Variants in IMPG1 observed in about 807,000 individuals in gnomAD.
IMPG1 encodes interphotoreceptor matrix proteoglycan of 150 kDa.
In IMPG1, 85 loss-of-function variants were observed where a neutral mutation model predicts 92.0. The ratio of observed to expected loss-of-function variants is 0.92; its 90% CI spans 0.78 to 1.11. The LOEUF (loss-of-function observed/expected upper bound fraction) is 1.11, where lower values mean the gene tolerates loss of function less well. IMPG1 is among the 50% of genes least tolerant of loss of function. The pLI is 0.00. For synonymous variants in IMPG1, 367 were observed against 334.1 expected (o/e 1.10, Z -1.08); for missense variants, 1,022 against 956.0 (o/e 1.07, Z -0.91).
At chr6:76,023,131 G>T (rs758895983) in intron 5 of IMPG1, among the ~76,000 whole-genome samples, 21 of 152,076 alleles carry the variant, frequency 1.4e-4, no homozygotes, top group Non-Finnish European at 2.9e-4. Context: ...GTGAGAGTGG[G>T]TATCAGAATC....
intron 4 of IMPG1, among the ~76,000 whole-genome samples, chr6:76,033,308 C>A (rs917374145): frequency 1.3e-5 from 2 of 152,162 alleles, no homozygotes; most frequent in African/African-American, 4.8e-5. Context: ...TAACCAGAAG[C>A]CAGAGGCAAG....
Position 75,931,013 on chromosome 6 carries a change from C to A in IMPG1, c.2183G>T (p.Gly728Val), listed in dbSNP as rs190960703. The A allele has an allele frequency of 4.2e-5, 68 of 1,614,240 alleles. No homozygotes were observed. In the African/African-American group the frequency reaches 6.7e-4, roughly 16 times the overall value. ...SQGSLDGLEP[G>V]LCGPGTKECE... is the part of the protein sequence containing the mutation. ...TTCCTTTGTGCCAGGGCCACAGAGG[C>A]CTGGTTCCAGACCGTCCAGGCTCCC... The change falls in exon 15 of 17, where the codon GGC (glycine) becomes GTC (valine). Residue 728 changes from glycine (G) to valine (V), a missense_variant. Physicochemically the swap from Gly to Val is moderately radical, Grantham distance 109 (BLOSUM62 -3). Around this residue, in one of 3 missense-constraint regions of IMPG1, gnomAD observed 332 missense variants for 346.2 expected, o/e 0.96. Transcript: ENST00000369950.
rs1046690449 is a variant in IMPG1 at position 75,988,599 on chromosome 6, T to G, written c.1291+14319A>C. Among the ~76,000 whole-genome samples, 5 of 152,226 alleles carry G rather than the reference T, an allele frequency of 3.3e-5. No individual in the cohort carries two copies. The East Asian group carries it at 9.6e-4, about 29-fold the overall frequency. On this transcript the variant is annotated intron_variant, in intron 12 of 16. Coordinates refer to ENST00000369950, the MANE Select transcript of IMPG1 (RefSeq NM_001563.4). ...GCCCCTTGGAGCAATGTGGAAATCA[T>G]GAGTGAAACTTATAAGAAAGATAGC...
At chr6:76,055,289 A>G (rs1784102443) in intron 1 of IMPG1, among the ~76,000 whole-genome samples, 1 of 152,118 alleles carries the variant, frequency 6.6e-6, no homozygotes, top group Non-Finnish European at 1.5e-5. Context: ...ATGTATTTGA[A>G]AAAAATTATT....
chr6:75,955,780 A>G (rs1027151996), intron 12 of IMPG1, among the ~76,000 whole-genome samples: 25 of 152,126 alleles, frequency 1.6e-4, no homozygotes, highest in African/African-American at 6.0e-4. Flanking sequence ...TTCCATTAAC[A>G]CCTAATTTAT....
At chr6:75,959,475 C>T (rs1857003) in intron 12 of IMPG1, among the ~76,000 whole-genome samples, 1 of 152,104 alleles carries the variant, frequency 6.6e-6, no homozygotes, top group African/African-American at 2.4e-5. Flanking sequence ...CACAGCCCCC[C>T]CTTCCCCCAG....
intron 12 of IMPG1, among the ~76,000 whole-genome samples, chr6:75,954,422 T>G (rs959478125): frequency 6.6e-6 from 1 of 152,224 alleles, no homozygotes; most frequent in African/African-American, 2.4e-5. Context: ...TTTTCAGAAG[T>G]GTCTGTTCAC....
intron 12 of IMPG1, among the ~76,000 whole-genome samples, chr6:75,958,400 TC>T (rs1159447951): frequency 2.0e-5 from 3 of 152,122 alleles, no homozygotes; most frequent in Non-Finnish European, 4.4e-5. Flanking sequence ...TTTGTGGTGT[TC>T]TCTATATTTT....
In IMPG1 at chr6:76,003,856, A is replaced by G. The variant is rs779123939; in HGVS notation, c.1212+18T>C. ...AGACTTTGTTCCTAGTTAAAGAACAAAAGGACAACAAACTTACCTCTGTTA... is the reference window on the plus strand; with the variant it reads ...AGACTTTGTTCCTAGTTAAAGAACAGAAGGACAACAAACTTACCTCTGTTA... On this transcript the variant is annotated intron_variant, in intron 11 of 16. Coordinates refer to ENST00000369950, the MANE Select transcript of IMPG1 (RefSeq NM_001563.4). 1.9e-6 allele frequency: 3 copies of G among 1,595,070 alleles called. No individual in the cohort carries two copies. The African/African-American group carries it at 4.0e-5, about 21-fold the overall frequency.
intron 13 of IMPG1, among the ~76,000 whole-genome samples, chr6:75,949,017 G>A (rs1781980658): frequency 1.3e-5 from 2 of 152,296 alleles, no homozygotes; most frequent in Middle Eastern, 6.8e-3. Context: ...GAGCTAAGCT[G>A]TCCTACCCAT....
intron 12 of IMPG1, among the ~76,000 whole-genome samples, chr6:75,975,717 C>T (rs971271678): frequency 6.6e-6 from 1 of 152,110 alleles, no homozygotes. Context: ...TTCCTGATTG[C>T]TTATATCAGA....
At chr6:75,962,776 C>T (rs1782230447) in intron 12 of IMPG1, among the ~76,000 whole-genome samples, 2 of 152,210 alleles carry the variant, frequency 1.3e-5, no homozygotes, top group Non-Finnish European at 2.9e-5. Flanking sequence ...TGCAGTGGCT[C>T]ATGCCTGTAA....
intron 1 of IMPG1, among the ~76,000 whole-genome samples, chr6:76,053,969 G>T (rs912127297): frequency 4.6e-5 from 7 of 152,074 alleles, no homozygotes; most frequent in African/African-American, 1.7e-4. Context: ...GTATATCTTT[G>T]CCTGTTAACT....
chr6:76,035,017 CGTGT>C (rs986842155), intron 2 of IMPG1, among the ~76,000 whole-genome samples: 1 of 145,964 alleles, frequency 6.9e-6, no homozygotes. Flanking sequence ...TGTGTGTGTG[CGTGT>C]GTGTGTGTGT....
intron 1 of IMPG1, among the ~76,000 whole-genome samples, chr6:76,068,303 A>G (rs960379769): frequency 1.3e-5 from 2 of 152,184 alleles, no homozygotes; most frequent in Non-Finnish European, 1.5e-5. Flanking sequence ...AGACTCCTCC[A>G]AAAGACTCCT....
intron 7 of IMPG1, 131 bp from the exon 8 acceptor site, chr6:76,011,355 T>A: frequency 2.0e-6 from 1 of 511,068 alleles, no homozygotes; most frequent in Non-Finnish European, 3.5e-6. Context: ...TTTTTTCTTT[T>A]AAAAAAACTC....
At chr6:76,052,206 G>T (rs574706363) in intron 1 of IMPG1, among the ~76,000 whole-genome samples, 3 of 152,218 alleles carry the variant, frequency 2.0e-5, no homozygotes, top group East Asian at 3.9e-4. Flanking sequence ...TAAATGTCAG[G>T]GAGTGAAGAG....
chr6:75,982,538 T>C (rs1782643749), intron 12 of IMPG1, among the ~76,000 whole-genome samples: 1 of 142,086 alleles, frequency 7.0e-6, no homozygotes, highest in African/African-American at 2.6e-5. Flanking sequence ...AAAAAAAATG[T>C]GTATATCTAT....
intron 12 of IMPG1, among the ~76,000 whole-genome samples, chr6:75,982,149 T>C (rs1782636943): frequency 6.6e-6 from 1 of 152,176 alleles, no homozygotes; most frequent in South Asian, 2.1e-4. Context: ...TTATAGGATA[T>C]ATTGTAGGAT....
Sources: allele counts gnomAD v4.1 joint callset (sites outside exome capture counted in the v4.1 genomes callset), GRCh38; gene constraint gnomAD v4.1.1; regional missense constraint gnomAD v4.1.1; transcripts MANE v1.5; gene names NCBI Gene and HGNC (gene_info 2026-07-23, HGNC 2026-07-21).